The following CDH8 variants were observed in gnomAD, a reference collection of about 807,000 sequenced individuals.
CDH8 encodes cadherin-8.
Under a neutral mutation model 68.1 loss-of-function variants are expected in CDH8, and 17 were observed. The observed-to-expected ratio is 0.25, with a 90% CI of 0.17 to 0.37. The LOEUF is 0.37. Ranked by LOEUF, CDH8 falls within the 10% of genes least tolerant of loss-of-function variation. The pLI is 1.00. For synonymous variants in CDH8, 372 were observed against 365.1 expected (o/e 1.02, Z -0.21); for missense variants, 763 against 999.3 (o/e 0.76, Z 3.19).
intron 8 of CDH8, among the ~76,000 whole-genome samples, chr16:61,746,472 T>C (rs1960023817): frequency 6.6e-6 from 1 of 151,820 alleles, no homozygotes; most frequent in Admixed American, 6.6e-5. Context: ...TTGTTCTCCC[T>C]AACTTTATGG....
intron 3 of CDH8, among the ~76,000 whole-genome samples, chr16:61,879,936 T>C (rs939715364): frequency 6.6e-6 from 1 of 151,988 alleles, no homozygotes; most frequent in African/African-American, 2.4e-5. Flanking sequence ...TTTGGTTTGT[T>C]TTTTTTTGAG....
In CDH8 at chr16:62,016,316, T is replaced by G. The variant is rs202193849; in HGVS notation, c.252+4836A>C. ...GTTCCATGCAGAAGGCATAGATAGA[T>G]CTGTGTTTGCTCAGAGCTGAGAATC... is the stretch of plus-strand genomic sequence containing the variant. On this transcript the variant is annotated intron_variant, in intron 2 of 11. Transcript: ENST00000577390. Among the ~76,000 whole-genome samples the G allele has an allele frequency of 2.0e-5, 3 of 152,194 alleles. No individual in the cohort carries two copies. The East Asian group carries it at 5.8e-4, about 29-fold the overall frequency.
intron 1 of CDH8, among the ~76,000 whole-genome samples, chr16:62,033,632 A>G (rs1293490879): frequency 6.6e-6 from 1 of 152,214 alleles, no homozygotes; most frequent in African/African-American, 2.4e-5. Context: ...AGTTTGAATG[A>G]CAGCATTACA....
At chr16:61,948,827 C>T (rs908285602) in intron 2 of CDH8, among the ~76,000 whole-genome samples, 5 of 152,152 alleles carry the variant, frequency 3.3e-5, no homozygotes, top group African/African-American at 4.8e-5. Context: ...ATCTGTAAAA[C>T]TCTTCTTTCG....
chr16:61,737,367 G>A (rs972905205), intron 8 of CDH8, among the ~76,000 whole-genome samples: 9 of 152,114 alleles, frequency 5.9e-5, no homozygotes, highest in Non-Finnish European at 1.3e-4. Flanking sequence ...ATTGGGGAAT[G>A]CAGAATAAGA....
chr16:61,647,911 C>T lies in CDH8; in HGVS notation c.*5697G>A, dbSNP rs1261926346. On this transcript the variant is annotated 3_prime_UTR_variant, in exon 12 of 12. Coordinates refer to ENST00000577390, the MANE Select transcript of CDH8 (RefSeq NM_001796.5). ...AATCTGTGGATAATAATAGAAATAT[C>T]TATTATCTATTAGTAGGGATACTTG... The T allele has an allele frequency of 1.4e-6, 1 of 693,298 alleles. No individual in the cohort carries two copies. The highest frequency in any genetic ancestry group is 1.5e-5 in the South Asian group (1 of 66,362). 42.9% of individuals were successfully genotyped at this position (693,298 alleles called of 1,614,324 possible).
At chr16:61,812,250 A>T (rs552229599) in intron 7 of CDH8, among the ~76,000 whole-genome samples, 18 of 152,232 alleles carry the variant, frequency 1.2e-4, no homozygotes, top group Non-Finnish European at 2.1e-4. Flanking sequence ...TTTCAGGAGA[A>T]TTGCTGATGA....
At chr16:61,826,496 G>A (rs2143002036) in intron 4 of CDH8, among the ~76,000 whole-genome samples, 1 of 151,848 alleles carries the variant, frequency 6.6e-6, no homozygotes, top group Middle Eastern at 3.4e-3. Context: ...GAATTGATGT[G>A]TGTTACATTT....
chr16:61,740,348 A>C, intron 8 of CDH8, among the ~76,000 whole-genome samples: 1 of 152,238 alleles, frequency 6.6e-6, no homozygotes, highest in South Asian at 2.1e-4. Flanking sequence ...ATAGTCATAT[A>C]TTTTTGAATA....
chr16:61,789,869 C>T (rs1961338042), intron 7 of CDH8, among the ~76,000 whole-genome samples: 1 of 151,990 alleles, frequency 6.6e-6, no homozygotes, highest in African/African-American at 2.4e-5. Flanking sequence ...TGGCACTAGG[C>T]AGCATGTTAC....
At chr16:61,983,182 G>C (rs1965567863) in intron 2 of CDH8, among the ~76,000 whole-genome samples, 1 of 152,036 alleles carries the variant, frequency 6.6e-6, no homozygotes, top group South Asian at 2.1e-4. Flanking sequence ...ATTTAAAATG[G>C]TTTTTCTTTC....
At chr16:61,759,603 G>A (rs1960413283) in intron 8 of CDH8, among the ~76,000 whole-genome samples, 2 of 152,152 alleles carry the variant, frequency 1.3e-5, no homozygotes, top group South Asian at 4.1e-4. Context: ...CTATTTACCA[G>A]TAACTGCCAT....
intron 8 of CDH8, among the ~76,000 whole-genome samples, chr16:61,773,949 T>A (rs952488830): frequency 1.3e-5 from 2 of 152,010 alleles, no homozygotes; most frequent in South Asian, 4.1e-4. Flanking sequence ...ATCATTTAAA[T>A]GTCCATCATC....
At chr16:61,845,440 G>A (rs765813767) in intron 4 of CDH8, among the ~76,000 whole-genome samples, 5 of 145,506 alleles carry the variant, frequency 3.4e-5, no homozygotes, top group Non-Finnish European at 6.0e-5. Flanking sequence ...ATAGTGCTGT[G>A]TCACATACAA....
intron 2 of CDH8, among the ~76,000 whole-genome samples, chr16:61,967,700 C>G (rs1392970335): frequency 2.6e-5 from 4 of 152,154 alleles, no homozygotes; most frequent in Non-Finnish European, 1.5e-5. Flanking sequence ...GCATTATGTC[C>G]TCTCTCAAAG....
chr16:61,818,532 G>A (rs1453015938), intron 6 of CDH8, among the ~76,000 whole-genome samples: 1 of 152,088 alleles, frequency 6.6e-6, no homozygotes. Flanking sequence ...CACCATTACT[G>A]ACAATATTTC....
intron 2 of CDH8, among the ~76,000 whole-genome samples, chr16:62,009,420 C>T (rs1901754407): frequency 1.3e-5 from 2 of 152,206 alleles, no homozygotes; most frequent in African/African-American, 4.8e-5. Context: ...CCTCTGGAGC[C>T]TCTGTAATAT....
intron 8 of CDH8, among the ~76,000 whole-genome samples, chr16:61,736,443 AAG>A (rs1959688932): frequency 6.6e-6 from 1 of 152,200 alleles, no homozygotes; most frequent in African/African-American, 2.4e-5. Flanking sequence ...AGCAGACTGA[AAG>A]AGAAATTATG....
intron 10 of CDH8, chr16:61,692,108 G>A (rs1353962942): frequency 6.6e-6 from 1 of 152,068 alleles, no homozygotes; most frequent in Non-Finnish European, 1.5e-5. Context: ...TGGCATGAAC[G>A]GGGACACAAC....
Sources: gnomAD v4.1 joint callset for allele counts (sites outside exome capture counted in the v4.1 genomes callset) on GRCh38, gnomAD v4.1.1 for gene constraint, MANE v1.5 for transcripts, NCBI Gene and HGNC (gene_info 2026-07-23, HGNC 2026-07-21) for gene names.